The following HECTD2 variants were observed in gnomAD, a reference collection of about 807,000 sequenced individuals.
The protein encoded by HECTD2 is HECT domain E3 ubiquitin protein ligase 2, also known as probable E3 ubiquitin-protein ligase HECTD2.
Under a neutral mutation model 103.2 loss-of-function variants are expected in HECTD2, and 35 were observed. The observed-to-expected ratio is 0.34, with a 90% CI of 0.26 to 0.45. HECTD2 has a LOEUF of 0.45. HECTD2 is among the 20% of genes least tolerant of loss of function. The pLI is 1.00. For missense variants in HECTD2, 596 were observed against 937.4 expected, an observed-to-expected ratio of 0.64 and a Z score of 4.76; for synonymous variants, 281 against 329.9, an observed-to-expected ratio of 0.85 and a Z score of 1.61.
intron 1 of HECTD2, among the ~76,000 whole-genome samples, chr10:91,413,600 A>G (rs1228371220): frequency 1.3e-5 from 2 of 152,206 alleles, no homozygotes; most frequent in Non-Finnish European, 2.9e-5. Context: ...CCAAGATTGA[A>G]ACTTGACACT....
rs1054162404 is a variant in HECTD2, at chr10:91,514,464, A to G, written c.*2080A>G. 1 of 152,580 alleles carries G rather than the reference A, an allele frequency of 6.6e-6. No individual in the cohort carries two copies. Among genetic ancestry groups the G allele is most frequent in the African/African-American group, 2.4e-5 (1 of 41,440 alleles). The allele number at this position is 152,580 out of a possible 1,614,324, so 9.5% of individuals were successfully genotyped here. A position where few individuals can be genotyped will look rare whatever the true frequency, so the allele number is the denominator to read the frequency against. On this transcript the variant is annotated 3_prime_UTR_variant, in exon 21 of 21. Transcript: ENST00000298068. ...ATAATACCTCATTTAAAAAATAAAA[A>G]CCACTACTGTTACATTTTATTAATT...
intron 2 of HECTD2, among the ~76,000 whole-genome samples, chr10:91,445,135 CGTT>C: frequency 6.6e-6 from 1 of 152,270 alleles, no homozygotes; most frequent in South Asian, 2.1e-4. Flanking sequence ...TCACAACTCT[CGTT>C]GGAAACTTGG....
intron 1 of HECTD2, among the ~76,000 whole-genome samples, chr10:91,417,612 G>A (rs550883825): frequency 2.7e-4 from 41 of 151,814 alleles, no homozygotes; most frequent in African/African-American, 8.5e-4. Flanking sequence ...GAGAACATGC[G>A]GTGTTTGGTT....
At chr10:91,500,439 G>T in intron 18 of HECTD2, 63 bp from the exon 19 acceptor site, 1 of 634,938 alleles carries the variant, frequency 1.6e-6, no homozygotes. Context: ...AGTGAAAATA[G>T]TTCCAGTTTC....
At chr10:91,492,102 G>T (rs577798951) in intron 12 of HECTD2, among the ~76,000 whole-genome samples, 1 of 152,184 alleles carries the variant, frequency 6.6e-6, no homozygotes, top group South Asian at 2.1e-4. Flanking sequence ...AAATTTGAAG[G>T]CAGTAGATAC....
At chr10:91,484,184 T>C (rs1330165489) in intron 8 of HECTD2, 5 of 576,426 alleles carry the variant, frequency 8.7e-6, no homozygotes, top group Middle Eastern at 3.9e-4. Flanking sequence ...AACACAAGTA[T>C]TGATTTGGGG....
In HECTD2 at chr10:91,492,491, A is replaced by C; in HGVS notation, c.1432+7A>C. 1 of 1,591,720 alleles carries C rather than the reference A, an allele frequency of 6.3e-7. No individual in the cohort carries two copies. Among genetic ancestry groups the C allele is most frequent in the Admixed American group, 1.7e-5 (1 of 58,920 alleles). ...ATTTTTCATCCAGATTATGGTAAGTATGTAATCTAATTTTTATAAACTGTG... is the reference window on the plus strand; with the variant it reads ...ATTTTTCATCCAGATTATGGTAAGTCTGTAATCTAATTTTTATAAACTGTG... On this transcript the variant is annotated splice_region_variant and intron_variant, in intron 13 of 20. Transcript: ENST00000298068.
chr10:91,485,132 T>A, intron 9 of HECTD2, 48 bp from the exon 10 acceptor site: 2 of 1,329,370 alleles, frequency 1.5e-6, no homozygotes, highest in Non-Finnish European at 2.1e-6. Context: ...TTAGAATGAA[T>A]CTTGTACATG....
At chr10:91,512,121 G>GTTCAGTGAAGAAATGGATGAGTCAT (rs1745225319) in intron 20 of HECTD2, 143 bp from the exon 21 acceptor site, 16 of 817,808 alleles carry the variant, frequency 2.0e-5, no homozygotes, top group Non-Finnish European at 2.8e-5. Context: ...GTAAATATCT[G>GTTCAGTGAAGAAATGGATGAGTCAT]TTCAGTGAAG....
At chr10:91,433,044 C>T (rs987041391) in intron 2 of HECTD2, among the ~76,000 whole-genome samples, 3 of 151,894 alleles carry the variant, frequency 2.0e-5, no homozygotes, top group African/African-American at 7.2e-5. Context: ...GGACTTGCCA[C>T]GTAAGGATTC....
At chr10:91,484,709 A>G (rs1846206679) in intron 9 of HECTD2, 54 bp downstream of exon 9, 1 of 1,391,416 alleles carries the variant, frequency 7.2e-7, no homozygotes, top group Non-Finnish European at 9.8e-7. Context: ...CATTTTAGGG[A>G]TATTTCTTAA....
intron 5 of HECTD2, among the ~76,000 whole-genome samples, chr10:91,475,787 C>T (rs906010881): frequency 2.0e-5 from 3 of 152,078 alleles, no homozygotes; most frequent in Admixed American, 6.5e-5. Context: ...TAAGTGAGAC[C>T]ATAAGGACAG....
chr10:91,470,833 C>T (rs958558662), intron 5 of HECTD2, among the ~76,000 whole-genome samples: 23 of 152,190 alleles, frequency 1.5e-4, no homozygotes, highest in Non-Finnish European at 2.6e-4. Flanking sequence ...AGTGGATTCA[C>T]GGCCGAATTC....
chr10:91,428,979 G>A (rs1271565312), intron 2 of HECTD2, among the ~76,000 whole-genome samples: 3 of 152,070 alleles, frequency 2.0e-5, no homozygotes, highest in Non-Finnish European at 2.9e-5. Context: ...AATGCTTCCA[G>A]TTTTTGCCCA....
chr10:91,466,647 C>T (rs1845541241), intron 5 of HECTD2, among the ~76,000 whole-genome samples: 2 of 152,128 alleles, frequency 1.3e-5, no homozygotes, highest in Non-Finnish European at 2.9e-5. Context: ...CATATGATCC[C>T]TCACTTACAC....
chr10:91,472,977 T>C (rs1845779319), intron 5 of HECTD2, among the ~76,000 whole-genome samples: 1 of 152,106 alleles, frequency 6.6e-6, no homozygotes, highest in Non-Finnish European at 1.5e-5. Flanking sequence ...ATAAAAATAA[T>C]AAAGATGTAT....
intron 2 of HECTD2, among the ~76,000 whole-genome samples, chr10:91,429,859 T>C (rs1843758298): frequency 6.6e-6 from 1 of 152,218 alleles, no homozygotes; most frequent in South Asian, 2.1e-4. Flanking sequence ...TTTGAAGGTT[T>C]TTTTGTGTCT....
intron 2 of HECTD2, among the ~76,000 whole-genome samples, chr10:91,435,781 G>A (rs927956916): frequency 2.0e-5 from 3 of 151,950 alleles, no homozygotes; most frequent in Non-Finnish European, 4.4e-5. Context: ...TTAAATTCCA[G>A]AAAATTTTCT....
intron 1 of HECTD2, among the ~76,000 whole-genome samples, chr10:91,418,493 C>G (rs1226520745): frequency 6.6e-6 from 1 of 151,970 alleles, no homozygotes; most frequent in East Asian, 1.9e-4. Flanking sequence ...TTCCTAGTCT[C>G]CATTTAAAGA....
Sources: gnomAD v4.1 joint callset for allele counts (sites outside exome capture counted in the v4.1 genomes callset) on GRCh38, gnomAD v4.1.1 for gene constraint, MANE v1.5 for transcripts, NCBI Gene and HGNC (gene_info 2026-07-23, HGNC 2026-07-21) for gene names.